The following ANGPT1 variants were observed in gnomAD, a reference collection of about 807,000 sequenced individuals.
ANGPT1 encodes the protein angiopoietin-1.
A neutral mutation model predicts 62.2 loss-of-function variants in ANGPT1; 17 were observed. That is an observed-to-expected ratio of 0.27 (90% CI 0.19 to 0.41). The LOEUF is 0.41. ANGPT1 is among the 10% of genes least tolerant of loss of function. ANGPT1 has a pLI of 1.00. For missense variants in ANGPT1, 478 were observed against 594.9 expected (o/e 0.80, Z 2.04); for synonymous variants, 199 against 198.9 (o/e 1.00, Z 0.00).
chr8:107,347,209 C>T lies in ANGPT1; in HGVS notation c.298-112G>A, dbSNP rs147818334. 1.2e-3 allele frequency: 1,301 copies of T among 1,086,638 alleles called. 12 individuals carry two copies. The African/African-American group carries it at 0.017, about 14-fold the overall frequency. 67.3% of individuals were successfully genotyped at this position (1,086,638 alleles called of 1,614,324 possible). ...CACCGCTGGCAAATCAGCCATCTGG[C>T]GGGGATCCTCTACATCTCTGGGAGT... is the stretch of plus-strand genomic sequence containing the variant. On this transcript the variant is annotated intron_variant, in intron 1 of 8. Coordinates refer to ENST00000517746, the MANE Select transcript of ANGPT1 (RefSeq NM_001146.5).
intron 6 of ANGPT1, 115 bp downstream of exon 6, chr8:107,293,821 T>C: frequency 1.3e-6 from 1 of 740,852 alleles, no homozygotes; most frequent in African/African-American, 1.8e-5. Flanking sequence ...TAATGTATCA[T>C]TTTATGTCAA....
intron 5 of ANGPT1, among the ~76,000 whole-genome samples, chr8:107,300,619 G>A (rs570531656): frequency 5.4e-4 from 82 of 151,936 alleles, no homozygotes; most frequent in Non-Finnish European, 7.4e-4. Flanking sequence ...TCTCTGAAAA[G>A]CCATGGTGGC....
intron 1 of ANGPT1, among the ~76,000 whole-genome samples, chr8:107,410,992 T>C (rs1817257491): frequency 6.6e-6 from 1 of 152,172 alleles, no homozygotes; most frequent in Admixed American, 6.6e-5. Context: ...TTTAAAGATA[T>C]CATGAGCTAA....
intron 1 of ANGPT1, among the ~76,000 whole-genome samples, chr8:107,434,361 G>A (rs577776842): frequency 9.9e-5 from 15 of 152,250 alleles, no homozygotes; most frequent in East Asian, 3.9e-4. Context: ...ACATCATTGC[G>A]TGGACAACTT....
intron 3 of ANGPT1, among the ~76,000 whole-genome samples, chr8:107,330,833 T>G (rs1815403060): frequency 6.6e-6 from 1 of 152,076 alleles, no homozygotes; most frequent in African/African-American, 2.4e-5. Context: ...ATTTCCAATT[T>G]GATCAGAATT....
At chr8:107,367,369 A>C (rs1262268414) in intron 1 of ANGPT1, among the ~76,000 whole-genome samples, 1 of 152,198 alleles carries the variant, frequency 6.6e-6, no homozygotes. Context: ...ACTTCAGTGA[A>C]TCCTAATCTT....
intron 1 of ANGPT1, among the ~76,000 whole-genome samples, chr8:107,439,000 C>A (rs924157913): frequency 6.6e-6 from 1 of 152,058 alleles, no homozygotes; most frequent in Non-Finnish European, 1.5e-5. Flanking sequence ...TATATAGAGT[C>A]TCCTGTAGAT....
chr8:107,481,220 T>C (rs1394257482), intron 1 of ANGPT1, among the ~76,000 whole-genome samples: 1 of 152,114 alleles, frequency 6.6e-6, no homozygotes, highest in African/African-American at 2.4e-5. Context: ...TTCTGACTTT[T>C]TTGTTTCTTA....
chr8:107,377,370 G>A (rs1816550257), intron 1 of ANGPT1, among the ~76,000 whole-genome samples: 1 of 152,108 alleles, frequency 6.6e-6, no homozygotes, highest in South Asian at 2.1e-4. Context: ...ATGCATAGCA[G>A]GAAACGTACA....
At chr8:107,261,703 TA>T (rs780893893) in intron 8 of ANGPT1, among the ~76,000 whole-genome samples, 4,247 of 136,100 alleles carry the variant, frequency 0.031, 75 homozygotes, top group Middle Eastern at 0.09. Flanking sequence ...AGACTCCATC[TA>T]AAAAAAAAAA....
intron 1 of ANGPT1, among the ~76,000 whole-genome samples, chr8:107,447,781 G>A (rs534542120): frequency 2.0e-5 from 3 of 152,178 alleles, no homozygotes; most frequent in African/African-American, 4.8e-5. Flanking sequence ...AGAGTGTGGA[G>A]TAATGCTACA....
At chr8:107,348,173 A>G (rs886338549) in intron 1 of ANGPT1, among the ~76,000 whole-genome samples, 3 of 152,124 alleles carry the variant, frequency 2.0e-5, no homozygotes. Flanking sequence ...TCATACCAAC[A>G]CTTTCAACCA....
intron 1 of ANGPT1, among the ~76,000 whole-genome samples, chr8:107,427,671 T>C (rs536910750): frequency 1.3e-5 from 2 of 152,342 alleles, no homozygotes; most frequent in Non-Finnish European, 2.9e-5. Flanking sequence ...AGGGAAGGTC[T>C]CTTTCTTCCT....
chr8:107,292,584 C>T (rs1371355682), intron 6 of ANGPT1, among the ~76,000 whole-genome samples: 1 of 152,134 alleles, frequency 6.6e-6, no homozygotes, highest in African/African-American at 2.4e-5. Context: ...ATCTTGCTGG[C>T]TTCAGCCTAC....
At chr8:107,376,585 A>G (rs1001110620) in intron 1 of ANGPT1, among the ~76,000 whole-genome samples, 1 of 152,090 alleles carries the variant, frequency 6.6e-6, no homozygotes, top group African/African-American at 2.4e-5. Flanking sequence ...TTGGTTCAGG[A>G]GGAGGGAGCA....
chr8:107,380,030 T>C (rs1203565206), intron 1 of ANGPT1, among the ~76,000 whole-genome samples: 1 of 152,138 alleles, frequency 6.6e-6, no homozygotes, highest in East Asian at 1.9e-4. Context: ...TAACTATGAA[T>C]ATTGTTTGCA....
At chr8:107,428,121 C>T (rs1239732999) in intron 1 of ANGPT1, among the ~76,000 whole-genome samples, 1 of 152,190 alleles carries the variant, frequency 6.6e-6, no homozygotes, top group Non-Finnish European at 1.5e-5. Context: ...TTATTACCAA[C>T]CACAAAGCAA....
At chr8:107,472,378 C>T (rs955321277) in intron 1 of ANGPT1, among the ~76,000 whole-genome samples, 1 of 152,014 alleles carries the variant, frequency 6.6e-6, no homozygotes, top group African/African-American at 2.4e-5. Flanking sequence ...ATGCTCACCT[C>T]CTTGGCGATA....
At chr8:107,390,086 A>T (rs1435548656) in intron 1 of ANGPT1, among the ~76,000 whole-genome samples, 1 of 152,188 alleles carries the variant, frequency 6.6e-6, no homozygotes. Context: ...TTTCAGGTTA[A>T]CTGGCCAAAT....
Sources: gnomAD v4.1 joint callset for allele counts (sites outside exome capture counted in the v4.1 genomes callset) on GRCh38, gnomAD v4.1.1 for gene constraint, MANE v1.5 for transcripts, NCBI Gene and HGNC (gene_info 2026-07-23, HGNC 2026-07-21) for gene names.